FAM193A: variants seen among roughly 807,000 people sequenced by gnomAD.
FAM193A encodes protein FAM193A.
A neutral mutation model predicts 126.5 loss-of-function variants in FAM193A; 22 were observed. The ratio of observed to expected loss-of-function variants is 0.17; its 90% CI spans 0.12 to 0.25. FAM193A has a LOEUF of 0.25. FAM193A is among the 10% of genes least tolerant of loss of function. The probability of loss-of-function intolerance (pLI) is 1.00; values close to 1 mark genes in which losing one functional copy is unlikely to be tolerated. For missense variants in FAM193A, 1,675 were observed against 1,672.8 expected, an observed-to-expected ratio of 1.00 and a Z score of -0.02; for synonymous variants, 761 against 646.8, an observed-to-expected ratio of 1.18 and a Z score of -2.68.
chr4:2,714,294 C>A lies in FAM193A; in HGVS notation c.4373-1729C>A, dbSNP rs182310026. Among the ~76,000 whole-genome samples, 8 of 152,276 alleles carry A rather than the reference C, an allele frequency of 5.3e-5. 1 individual carries two copies. The highest frequency in any genetic ancestry group is 5.2e-4 in the Admixed American group (8 of 15,276). ...AAAATCGAGACTCAGAATGCTTTCC[C>A]ATGCCCTGAAGCACCTCTCTGTACA... On this transcript the variant is annotated intron_variant, in intron 19 of 20. Transcript: ENST00000637812.
chr4:2,724,007 T>C (rs907600095), intron 20 of FAM193A, among the ~76,000 whole-genome samples: 3 of 146,444 alleles, frequency 2.0e-5, no homozygotes, highest in African/African-American at 5.1e-5. Flanking sequence ...ATAATGAAAA[T>C]GGCATGAGGC....
chr4:2,645,485 T>C (rs1300644304), intron 6 of FAM193A, among the ~76,000 whole-genome samples: 1 of 152,126 alleles, frequency 6.6e-6, no homozygotes, highest in Non-Finnish European at 1.5e-5. Flanking sequence ...TCCCATTTAT[T>C]TTCTCATTTT....
At chr4:2,699,235 G>A (rs1717384569) in intron 18 of FAM193A, among the ~76,000 whole-genome samples, 1 of 152,128 alleles carries the variant, frequency 6.6e-6, no homozygotes, top group African/African-American at 2.4e-5. Flanking sequence ...TCAGAGTTCT[G>A]GCGGCACGTG....
intron 13 of FAM193A, among the ~76,000 whole-genome samples, chr4:2,675,333 C>T (rs1714271999): frequency 6.6e-6 from 1 of 152,190 alleles, no homozygotes. Context: ...TGGATCTGTT[C>T]ATTTCTGATT....
chr4:2,573,513 C>CA (rs1353276813), intron 1 of FAM193A, among the ~76,000 whole-genome samples: 2,677 of 73,808 alleles, frequency 0.036, 83 homozygotes, highest in African/African-American at 0.1. Context: ...ACTCTGTCTT[C>CA]AAAAAAAAAA....
chr4:2,720,303 AC>A (rs1156456581), intron 20 of FAM193A, among the ~76,000 whole-genome samples: 2 of 152,226 alleles, frequency 1.3e-5, no homozygotes, highest in African/African-American at 2.4e-5. Context: ...ATATAAAAGA[AC>A]TTACAGCAAG....
intron 5 of FAM193A, among the ~76,000 whole-genome samples, chr4:2,631,964 A>G (rs1322049592): frequency 2.0e-5 from 3 of 152,172 alleles, no homozygotes; most frequent in South Asian, 2.1e-4. Context: ...ATTAAATAAT[A>G]CTTAACTGTA....
At chr4:2,578,777 GAAAAT>G (rs2108873755) in intron 1 of FAM193A, among the ~76,000 whole-genome samples, 1 of 152,194 alleles carries the variant, frequency 6.6e-6, no homozygotes, top group Admixed American at 6.5e-5. Context: ...GTAAGCTAGA[GAAAAT>G]AAAATGTTAT....
At chr4:2,696,217 T>G (rs1167946371) in intron 17 of FAM193A, 146 bp from the exon 18 acceptor site, 1 of 612,230 alleles carries the variant, frequency 1.6e-6, no homozygotes, top group Non-Finnish European at 2.8e-6. Context: ...TTTTTCTCTT[T>G]TTCTGCTGGT....
intron 2 of FAM193A, among the ~76,000 whole-genome samples, chr4:2,611,309 C>G (rs531879614): frequency 2.3e-4 from 35 of 152,180 alleles, no homozygotes; most frequent in African/African-American, 7.7e-4. Flanking sequence ...CACTGTGTCA[C>G]CCAGGCTGGA....
At chr4:2,608,411 T>C (rs1228622936) in intron 2 of FAM193A, among the ~76,000 whole-genome samples, 1 of 152,166 alleles carries the variant, frequency 6.6e-6, no homozygotes, top group Non-Finnish European at 1.5e-5. Flanking sequence ...ACTCCTGGGC[T>C]CAATCAGTCT....
At chr4:2,643,837 G>A (rs1003020074) in intron 6 of FAM193A, among the ~76,000 whole-genome samples, 1 of 152,138 alleles carries the variant, frequency 6.6e-6, no homozygotes, top group Admixed American at 6.6e-5. Flanking sequence ...GCGTAGGCGG[G>A]GGGTGTTTCT....
chr4:2,674,568 G>A (rs895160547), intron 13 of FAM193A, among the ~76,000 whole-genome samples: 2 of 152,182 alleles, frequency 1.3e-5, no homozygotes, highest in African/African-American at 4.8e-5. Flanking sequence ...GGGCCTTGGG[G>A]AGTTTCTGCT....
chr4:2,717,210 CT>C (rs1367365413), intron 20 of FAM193A, among the ~76,000 whole-genome samples: 1 of 152,130 alleles, frequency 6.6e-6, no homozygotes, highest in Non-Finnish European at 1.5e-5. Context: ...AAACTCTTGA[CT>C]TTAAGTGATG....
intron 16 of FAM193A, among the ~76,000 whole-genome samples, chr4:2,694,583 A>G (rs1355540806): frequency 6.6e-6 from 1 of 152,062 alleles, no homozygotes; most frequent in Admixed American, 6.5e-5. Flanking sequence ...TCTTTTTAAG[A>G]CAAATTCTGT....
At chr4:2,644,079 G>T (rs562904720) in intron 6 of FAM193A, among the ~76,000 whole-genome samples, 8 of 152,268 alleles carry the variant, frequency 5.3e-5, no homozygotes, top group African/African-American at 1.7e-4. Context: ...ATGGAAACCT[G>T]TTTGCTGAGC....
intron 1 of FAM193A, among the ~76,000 whole-genome samples, chr4:2,559,457 G>T (rs112867128): frequency 1.1e-4 from 16 of 152,066 alleles, no homozygotes; most frequent in African/African-American, 3.9e-4. Flanking sequence ...CAGAGACAGG[G>T]TCTTGCTCTG....
At chr4:2,633,322 C>T (rs1743783654) in intron 5 of FAM193A, among the ~76,000 whole-genome samples, 1 of 151,884 alleles carries the variant, frequency 6.6e-6, no homozygotes, top group Non-Finnish European at 1.5e-5. Context: ...TCACTTGAAC[C>T]CGGGAGGCAG....
At chr4:2,644,809 T>A (rs1228171005) in intron 6 of FAM193A, among the ~76,000 whole-genome samples, 9 of 152,184 alleles carry the variant, frequency 5.9e-5, no homozygotes, top group African/African-American at 2.2e-4. Flanking sequence ...AAGATCCTAA[T>A]TTCCACATAG....
Sources: allele counts gnomAD v4.1 joint callset (sites outside exome capture counted in the v4.1 genomes callset), GRCh38; gene constraint gnomAD v4.1.1; transcripts MANE v1.5; gene names NCBI Gene and HGNC (gene_info 2026-07-23, HGNC 2026-07-21).